Variants in CLOCK observed in about 807,000 individuals in gnomAD.
The protein encoded by CLOCK is circadian locomoter output cycles protein kaput.
A neutral mutation model predicts 118.4 loss-of-function variants in CLOCK; 43 were observed. That is an observed-to-expected ratio of 0.36 (90% CI 0.28 to 0.47). CLOCK has a LOEUF of 0.47. CLOCK is among the 20% of genes least tolerant of loss of function. The pLI, the probability that CLOCK is intolerant of heterozygous loss-of-function variation, is 1.00. For synonymous variants in CLOCK, 326 were observed against 339.2 expected, an observed-to-expected ratio of 0.96 and a Z score of 0.43; for missense variants, 846 against 999.9, an observed-to-expected ratio of 0.85 and a Z score of 2.08.
intron 1 of CLOCK, among the ~76,000 whole-genome samples, chr4:55,534,243 A>G (rs976488516): frequency 6.6e-6 from 1 of 152,156 alleles, no homozygotes; most frequent in Non-Finnish European, 1.5e-5. Flanking sequence ...TCACCAAGCC[A>G]ATCCTCCTCA....
At chr4:55,460,509 C>T (rs373899889) in intron 9 of CLOCK, among the ~76,000 whole-genome samples, 2 of 152,322 alleles carry the variant, frequency 1.3e-5, no homozygotes, top group South Asian at 2.1e-4. Flanking sequence ...CTCTTCTCTT[C>T]CCATCACAAG....
At chr4:55,440,393 C>T (rs973559722) in intron 21 of CLOCK, among the ~76,000 whole-genome samples, 1 of 152,100 alleles carries the variant, frequency 6.6e-6, no homozygotes, top group Non-Finnish European at 1.5e-5. Context: ...CTTTGTGGAA[C>T]AATATTATTT....
At chr4:55,537,568 G>A (rs914499583) in intron 1 of CLOCK, among the ~76,000 whole-genome samples, 10 of 151,902 alleles carry the variant, frequency 6.6e-5, no homozygotes, top group South Asian at 2.1e-4. Context: ...TGGTGACCCC[G>A]TGATTGGGCC....
rs1560428090 is a variant in CLOCK at position 55,456,006 on chromosome 4, A to G, written c.876-3T>C. On this transcript the variant is annotated splice_region_variant and splice_polypyrimidine_tract_variant and intron_variant, in intron 12 of 22. Transcript: ENST00000513440. ...AATACCCTATTATGGGTGGTGCCCTAAATTACACAGAAAACAATCATTATT... is the reference window on the plus strand; with the variant it reads ...AATACCCTATTATGGGTGGTGCCCTGAATTACACAGAAAACAATCATTATT... The G allele has an allele frequency of 2.5e-6, 4 of 1,604,962 alleles. No homozygotes were observed. Among genetic ancestry groups the G allele is most frequent in the Non-Finnish European group, 3.4e-6 (4 of 1,172,050 alleles).
intron 6 of CLOCK, among the ~76,000 whole-genome samples, chr4:55,477,883 G>A (rs185933404): frequency 1.1e-4 from 16 of 152,092 alleles, no homozygotes; most frequent in East Asian, 3.9e-4. Flanking sequence ...CAAGGGAGGA[G>A]GGATAAAAAT....
chr4:55,450,264 T>C (rs1431727831), intron 15 of CLOCK, 32 bp from the exon 16 acceptor site: 3 of 1,613,410 alleles, frequency 1.9e-6, no homozygotes. Flanking sequence ...AATGTTTTCT[T>C]GTGGTTCAGT....
At chr4:55,450,433 G>C (rs1344094237) in intron 15 of CLOCK, among the ~76,000 whole-genome samples, 2 of 152,164 alleles carry the variant, frequency 1.3e-5, no homozygotes, top group East Asian at 3.8e-4. Flanking sequence ...TTTAAAGAAA[G>C]AGAAGAAGAA....
Position 55,479,200 on chromosome 4 carries a change from A to G in CLOCK, c.108-237T>C, listed in dbSNP as rs114076323. 2.1e-3 allele frequency: 916 copies of G among 427,206 alleles called. 4 individuals are homozygous for G. The highest frequency in any genetic ancestry group is 3.4e-3 in the Admixed American group (83 of 24,412). The allele number at this position is 427,206 out of a possible 1,614,324, so 26.5% of individuals were successfully genotyped here. ...CAAACATGTTTTTATGAAAATGCCA[A>G]TAAGAAAAACTGCATTCAAATCACA... On this transcript the variant is annotated intron_variant, in intron 5 of 22. Coordinates refer to ENST00000513440, the MANE Select transcript of CLOCK (RefSeq NM_004898.4).
chr4:55,473,904 C>T (rs1255434694), intron 7 of CLOCK, among the ~76,000 whole-genome samples: 2 of 152,166 alleles, frequency 1.3e-5, no homozygotes, highest in Admixed American at 1.3e-4. Flanking sequence ...GCCATTCCCC[C>T]ATCCCTCTCC....
At chr4:55,475,571 T>C (rs1206145269) in intron 7 of CLOCK, among the ~76,000 whole-genome samples, 1 of 152,174 alleles carries the variant, frequency 6.6e-6, no homozygotes, top group Non-Finnish European at 1.5e-5. Flanking sequence ...GCAAACTTCA[T>C]TGCTGACTCA....
chr4:55,473,078 A>T (rs1726257498), intron 7 of CLOCK, among the ~76,000 whole-genome samples: 1 of 152,160 alleles, frequency 6.6e-6, no homozygotes, highest in African/African-American at 2.4e-5. Flanking sequence ...AAAAAAAATT[A>T]GCTCGGCGTG....
chr4:55,504,283 CAAAAAAA>C (rs35414558), intron 2 of CLOCK, among the ~76,000 whole-genome samples: 6 of 51,948 alleles, frequency 1.2e-4, no homozygotes, highest in Non-Finnish European at 2.1e-4. Flanking sequence ...GAGACTCCAT[CAAAAAAA>C]AAAAAAAAAA....
intron 8 of CLOCK, among the ~76,000 whole-genome samples, chr4:55,465,866 C>T (rs553048206): frequency 6.6e-6 from 1 of 152,010 alleles, no homozygotes; most frequent in African/African-American, 2.4e-5. Flanking sequence ...GCAGGAGAAT[C>T]GCTTGAATCC....
intron 2 of CLOCK, among the ~76,000 whole-genome samples, chr4:55,503,615 AAGTT>A (rs1357641036): frequency 2.0e-5 from 3 of 152,216 alleles, no homozygotes; most frequent in South Asian, 2.1e-4. Flanking sequence ...AAACAAAAAA[AAGTT>A]AGTGATATCA....
In CLOCK at chr4:55,446,920, TAAATTAC is replaced by T. The variant is rs1226589442; in HGVS notation, c.1539+1852_1539+1858del. On this transcript the variant is annotated intron_variant, in intron 18 of 22. Coordinates refer to ENST00000513440, the MANE Select transcript of CLOCK (RefSeq NM_004898.4). ...CTTCAATAGTTTGTATTTGGGATAC[TAAATTAC>T]ATTTCAGGGCACACAACTTTGATTT... Among the ~76,000 whole-genome samples, 3 of 152,214 alleles carry T rather than the reference TAAATTAC, an allele frequency of 2.0e-5. No individual in the cohort carries two copies. The East Asian group carries it at 5.8e-4, about 29-fold the overall frequency.
intron 1 of CLOCK, among the ~76,000 whole-genome samples, chr4:55,534,929 ATT>A (rs34133453): frequency 0.023 from 3,129 of 134,144 alleles, 80 homozygotes; most frequent in African/African-American, 0.076. Flanking sequence ...TAAAGTGAGA[ATT>A]TTTTTTTTTT....
intron 1 of CLOCK, among the ~76,000 whole-genome samples, chr4:55,516,472 C>A (rs1560471602): frequency 6.6e-6 from 1 of 152,192 alleles, no homozygotes; most frequent in Non-Finnish European, 1.5e-5. Flanking sequence ...TTCCGGATAA[C>A]TTCCTTGCTC....
intron 1 of CLOCK, among the ~76,000 whole-genome samples, chr4:55,538,799 G>A (rs923379143): frequency 2.0e-5 from 3 of 152,200 alleles, no homozygotes; most frequent in Non-Finnish European, 4.4e-5. Context: ...ATTATCCTCA[G>A]CAAGAATATA....
chr4:55,464,115 A>G (rs1047146929), intron 8 of CLOCK, among the ~76,000 whole-genome samples: 9 of 152,232 alleles, frequency 5.9e-5, no homozygotes, highest in African/African-American at 1.7e-4. Context: ...GCGACAAGTC[A>G]TAGCCTTACC....
Sources: gnomAD v4.1 joint callset for allele counts (sites outside exome capture counted in the v4.1 genomes callset) on GRCh38, gnomAD v4.1.1 for gene constraint, MANE v1.5 for transcripts, NCBI Gene and HGNC (gene_info 2026-07-23, HGNC 2026-07-21) for gene names.